The following ASTN2 variants were observed in gnomAD, a reference collection of about 807,000 sequenced individuals.
The protein encoded by ASTN2 is astrotactin 2, also known as astrotactin-2.
A neutral mutation model predicts 139.8 loss-of-function variants in ASTN2; 54 were observed. The ratio of observed to expected loss-of-function variants is 0.39; its 90% CI spans 0.31 to 0.48. The LOEUF (loss-of-function observed/expected upper bound fraction) is 0.48. ASTN2 is among the 20% of genes least tolerant of loss of function. ASTN2 has a pLI of 0.95. For missense variants in ASTN2, 1,565 were observed against 1,725.1 expected, an observed-to-expected ratio of 0.91 and a Z score of 1.64; for synonymous variants, 756 against 719.5, an observed-to-expected ratio of 1.05 and a Z score of -0.81.
At chr9:117,318,509 T>A (rs1199660697) in intron 1 of ASTN2, among the ~76,000 whole-genome samples, 1 of 152,150 alleles carries the variant, frequency 6.6e-6, no homozygotes, top group African/African-American at 2.4e-5. Flanking sequence ...GTGAGAGTTA[T>A]CAGATGTTGA....
chr9:116,921,432 C>CA (rs1834601792), intron 10 of ASTN2, among the ~76,000 whole-genome samples: 1 of 151,616 alleles, frequency 6.6e-6, no homozygotes, highest in Non-Finnish European at 1.5e-5. Context: ...ACTAAAAATA[C>CA]AAAAAATTAG....
At chr9:117,211,034 T>G (rs1832108736) in intron 3 of ASTN2, among the ~76,000 whole-genome samples, 2 of 149,806 alleles carry the variant, frequency 1.3e-5, no homozygotes, top group East Asian at 3.9e-4. Flanking sequence ...ATAAAAACTC[T>G]TAATAAATTA....
chr9:116,472,910 G>C (rs951139253), intron 20 of ASTN2, among the ~76,000 whole-genome samples: 1 of 137,326 alleles, frequency 7.3e-6, no homozygotes, highest in African/African-American at 2.7e-5. Context: ...CTGGGCAACA[G>C]AGCGAGACTC....
chr9:116,618,518 G>A (rs1855965889), intron 18 of ASTN2, 46 bp from the exon 19 acceptor site: 1 of 1,569,242 alleles, frequency 6.4e-7, no homozygotes, highest in Non-Finnish European at 8.6e-7. Flanking sequence ...GCCAGCACCA[G>A]CTGGGGCCCA....
At chr9:116,853,159 C>T (rs1235775709) in intron 11 of ASTN2, among the ~76,000 whole-genome samples, 1 of 152,040 alleles carries the variant, frequency 6.6e-6, no homozygotes, top group Non-Finnish European at 1.5e-5. Flanking sequence ...AACCGTGGCA[C>T]ATTTATCTAA....
intron 10 of ASTN2, among the ~76,000 whole-genome samples, chr9:116,924,612 G>A (rs1313775573): frequency 6.6e-6 from 1 of 152,056 alleles, no homozygotes; most frequent in Non-Finnish European, 1.5e-5. Flanking sequence ...CCCCTTTTTA[G>A]ACCATATAAG....
At chr9:117,310,031 G>A (rs1261441999) in intron 1 of ASTN2, among the ~76,000 whole-genome samples, 1 of 152,158 alleles carries the variant, frequency 6.6e-6, no homozygotes, top group East Asian at 1.9e-4. Flanking sequence ...TCTCTGGAAT[G>A]GGGTAAATAA....
intron 17 of ASTN2, among the ~76,000 whole-genome samples, chr9:116,632,217 G>GA (rs1181971054): frequency 1.9e-5 from 2 of 105,790 alleles, no homozygotes; most frequent in African/African-American, 7.3e-5. Context: ...AAGAAAGAAA[G>GA]AAAGAAAGAA....
At chr9:116,966,682 T>G (rs970035758) in intron 10 of ASTN2, among the ~76,000 whole-genome samples, 1 of 150,300 alleles carries the variant, frequency 6.7e-6, no homozygotes, top group Non-Finnish European at 1.5e-5. Flanking sequence ...TAGTAATGTT[T>G]CTCAGACGGG....
At chr9:116,726,112 T>C (rs530131805) in intron 15 of ASTN2, among the ~76,000 whole-genome samples, 162 bp from the exon 16 acceptor site, 1 of 151,976 alleles carries the variant, frequency 6.6e-6, no homozygotes, top group Non-Finnish European at 1.5e-5. Context: ...CATAATTCCC[T>C]CACTTAAATA....
intron 19 of ASTN2, chr9:116,562,380 T>TTCTCG (rs58854975): frequency 0.16 from 24,001 of 151,970 alleles, 2,029 homozygotes; most frequent in African/African-American, 0.21. Context: ...TGGACTAATG[T>TTCTCG]TCTCCTGTGT....
At chr9:116,933,979 C>CTTTTTTTTTTTTTTTTTTTTT (rs148724828) in intron 10 of ASTN2, among the ~76,000 whole-genome samples, 928 of 86,756 alleles carry the variant, frequency 0.011, 178 homozygotes, top group East Asian at 0.02. Context: ...AGTGTTAGTC[C>CTTTTTTTTTTTTTTTTTTTTT]TTTTTTTTTT....
At chr9:117,118,522 C>T (rs1829461067) in intron 4 of ASTN2, among the ~76,000 whole-genome samples, 1 of 152,188 alleles carries the variant, frequency 6.6e-6, no homozygotes, top group Non-Finnish European at 1.5e-5. Context: ...CTGACACTCT[C>T]CAGGCTTCTA....
chr9:116,899,676 C>A (rs778876871), intron 10 of ASTN2, among the ~76,000 whole-genome samples: 2 of 152,152 alleles, frequency 1.3e-5, no homozygotes, highest in Non-Finnish European at 2.9e-5. Context: ...ATAATAACAG[C>A]TCCTTCCTGA....
chr9:116,943,102 T>A (rs945167956), intron 10 of ASTN2, among the ~76,000 whole-genome samples: 1 of 152,190 alleles, frequency 6.6e-6, no homozygotes, highest in Non-Finnish European at 1.5e-5. Flanking sequence ...CCAGTAGTTA[T>A]AGACCGGGGA....
At chr9:116,767,636 C>G (rs1351300233) in intron 13 of ASTN2, among the ~76,000 whole-genome samples, 2 of 152,146 alleles carry the variant, frequency 1.3e-5, no homozygotes, top group Non-Finnish European at 2.9e-5. Context: ...GTTGGCCATG[C>G]ATGGACCTTG....
At chr9:116,825,224 A>T (rs1463638358) in intron 11 of ASTN2, among the ~76,000 whole-genome samples, 3 of 152,226 alleles carry the variant, frequency 2.0e-5, no homozygotes, top group Non-Finnish European at 4.4e-5. Flanking sequence ...CTGAGCATAT[A>T]GGCAGGATGC....
At chr9:116,884,800 T>TCCTC (rs146077443) in intron 10 of ASTN2, among the ~76,000 whole-genome samples, 1 of 90,476 alleles carries the variant, frequency 1.1e-5, no homozygotes, top group Non-Finnish European at 2.0e-5. Context: ...TCTCCAAATA[T>TCCTC]CCGCCCCCCC....
chr9:117,221,372 A>G (rs73535210), intron 2 of ASTN2, among the ~76,000 whole-genome samples: 7,516 of 152,292 alleles, frequency 0.049, 365 homozygotes, highest in African/African-American at 0.13. Flanking sequence ...TCATGTTAAA[A>G]TATCAAGGCA....
Sources: allele counts gnomAD v4.1 joint callset (sites outside exome capture counted in the v4.1 genomes callset), GRCh38; gene constraint gnomAD v4.1.1; transcripts MANE v1.5; gene names NCBI Gene and HGNC (gene_info 2026-07-23, HGNC 2026-07-21).